The following DMD variants were observed in gnomAD, a reference collection of about 807,000 sequenced individuals.
DMD encodes the protein mutant dystrophin.
A neutral mutation model predicts 330.1 loss-of-function variants in DMD; 63 were observed. The observed-to-expected ratio is 0.19, with a 90% CI of 0.16 to 0.24. The LOEUF is 0.24. Among genes scored for constraint, DMD ranks in the 10% least tolerant of loss-of-function variants. The probability of loss-of-function intolerance (pLI) is 1.00; values close to 1 mark genes in which losing one functional copy is unlikely to be tolerated. For synonymous variants in DMD, 1,223 were observed against 959.8 expected, an observed-to-expected ratio of 1.27 and a Z score of -5.07; for missense variants, 3,344 against 2,684.1, an observed-to-expected ratio of 1.25 and a Z score of -5.43.
At chrX:32,757,180 T>C (rs1009492094) in intron 7 of DMD, among the ~76,000 whole-genome samples, 6 of 111,531 alleles carry the variant, frequency 5.4e-5, no homozygotes, top group Non-Finnish European at 7.5e-5. Flanking sequence ...TGTGAGAACA[T>C]TTAAAGTCTA....
chrX:32,293,956 C>T (rs1037513897), intron 42 of DMD, among the ~76,000 whole-genome samples: 9 of 112,039 alleles, frequency 8.0e-5, no homozygotes, highest in African/African-American at 1.9e-4. Context: ...TAGAATTTTA[C>T]TACCATCTTC....
chrX:32,905,576 A>G (rs1222301645), intron 2 of DMD, among the ~76,000 whole-genome samples: 1 of 111,553 alleles, frequency 9.0e-6, no homozygotes, highest in African/African-American at 3.3e-5. Context: ...AGAGCACCCA[A>G]CATAATTTGA....
chrX:32,216,724 C>G (rs1340612224), intron 44 of DMD, among the ~76,000 whole-genome samples, 192 bp downstream of exon 44: 1 of 111,231 alleles, frequency 9.0e-6, no homozygotes, highest in African/African-American at 3.3e-5. Flanking sequence ...ACTCTCTCAT[C>G]CTGACACAAA....
chrX:31,305,139 C>G (rs2054930637), intron 62 of DMD, among the ~76,000 whole-genome samples: 1 of 111,767 alleles, frequency 8.9e-6, no homozygotes, highest in Non-Finnish European at 1.9e-5. Context: ...TTGTAATTGA[C>G]AAATAATAGT....
At chrX:32,009,449 T>G (rs973042708) in intron 44 of DMD, among the ~76,000 whole-genome samples, 5 of 112,274 alleles carry the variant, frequency 4.5e-5, no homozygotes, top group Middle Eastern at 4.2e-3. Flanking sequence ...TTAGTAGACA[T>G]AAATAATTTT....
chrX:33,081,560 A>ATTAC (rs946793946), intron 1 of DMD, among the ~76,000 whole-genome samples: 23 of 112,243 alleles, frequency 2.0e-4, no homozygotes, highest in African/African-American at 7.4e-4. Context: ...AAGTGCTTGG[A>ATTAC]TTACAAGCAC....
chrX:31,536,090 T>A (rs1358432977), intron 55 of DMD, among the ~76,000 whole-genome samples: 1 of 111,914 alleles, frequency 8.9e-6, no homozygotes. Context: ...AGAAAACCTA[T>A]CCTGGGAGTT....
chrX:32,282,847 G>C (rs1569555850), intron 43 of DMD, among the ~76,000 whole-genome samples: 1 of 112,007 alleles, frequency 8.9e-6, no homozygotes, highest in East Asian at 2.8e-4. Context: ...AAACCACTAA[G>C]GCATTTTCTA....
chrX:32,710,176 T>G (rs2065060557), intron 7 of DMD, among the ~76,000 whole-genome samples: 1 of 110,081 alleles, frequency 9.1e-6, no homozygotes, highest in Admixed American at 9.7e-5. Context: ...TTTTTTTCAT[T>G]TAAATTCACC....
At position 31,721,732 on chromosome X, in the gene DMD, A is replaced by ATC. The variant is rs2085570038; in HGVS notation, c.7660+7898_7660+7899insGA. Among the ~76,000 whole-genome samples the ATC allele has an allele frequency of 3.8e-5, 3 of 78,454 alleles. No homozygotes were observed. In the South Asian group the frequency reaches 1.7e-3, roughly 44 times the overall value. The allele number at this position is 78,454 out of a possible 115,157, so 68.1% of individuals were successfully genotyped here. ...TCTCTCTCTCTCTATATATATATAT[A>ATC]TATATATATATATCTCCTAATTATT... On this transcript the variant is annotated intron_variant, in intron 52 of 78. Coordinates refer to ENST00000357033, the MANE Select transcript of DMD (RefSeq NM_004006.3).
At chrX:32,180,586 G>T (rs1047071544) in intron 44 of DMD, among the ~76,000 whole-genome samples, 5 of 111,315 alleles carry the variant, frequency 4.5e-5, no homozygotes, top group Non-Finnish European at 9.4e-5. Flanking sequence ...ACTTCTGAGA[G>T]ACACGTCTCT....
chrX:32,044,203 T>A (rs752263811), intron 44 of DMD, among the ~76,000 whole-genome samples: 10 of 110,857 alleles, frequency 9.0e-5, no homozygotes, highest in African/African-American at 2.9e-4. Flanking sequence ...TCCAGGCTAA[T>A]CAAATCATCA....
intron 42 of DMD, among the ~76,000 whole-genome samples, chrX:32,303,879 A>G (rs773458472): frequency 3.6e-5 from 4 of 110,744 alleles, no homozygotes; most frequent in Admixed American, 9.7e-5. Flanking sequence ...CATTAATGAC[A>G]TATCGAATTG....
At chrX:32,781,042 C>T (rs1049542169) in intron 7 of DMD, among the ~76,000 whole-genome samples, 2 of 106,901 alleles carry the variant, frequency 1.9e-5, no homozygotes, top group Non-Finnish European at 1.9e-5. Context: ...AGCGTGAACC[C>T]GGGAGGCGGA....
intron 49 of DMD, 56 bp downstream of exon 49, chrX:31,836,661 CA>C: frequency 2.1e-6 from 2 of 954,851 alleles, no homozygotes; most frequent in Non-Finnish European, 3.0e-6. Flanking sequence ...AAATGTACAA[CA>C]GGGGAAGCAT....
intron 1 of DMD, among the ~76,000 whole-genome samples, chrX:33,271,002 T>C (rs1291558824): frequency 8.9e-6 from 1 of 111,785 alleles, no homozygotes; most frequent in Non-Finnish European, 1.9e-5. Flanking sequence ...ATAACCCTGA[T>C]ATTCCAAGGT....
intron 60 of DMD, among the ~76,000 whole-genome samples, chrX:31,348,960 C>A (rs2058245974): frequency 8.9e-6 from 1 of 111,757 alleles, no homozygotes; most frequent in Non-Finnish European, 1.9e-5. Context: ...TTTACTTTCA[C>A]AAAAACATTA....
intron 55 of DMD, among the ~76,000 whole-genome samples, 165 bp from the exon 56 acceptor site, chrX:31,507,618 C>A (rs747921772): frequency 8.9e-6 from 1 of 112,200 alleles, no homozygotes; most frequent in Admixed American, 9.4e-5. Context: ...CTTTTCTTGG[C>A]GTATTGCCTT....
chrX:32,664,887 C>A lies in DMD; in HGVS notation c.961-19735G>T, dbSNP rs181485465. On this transcript the variant is annotated intron_variant, in intron 9 of 78. Transcript: ENST00000357033. ...ATGAATGTGGTCTAAGAACCAACCCCTGGTTACTGTCATATCAGGAATTTG... is the reference window on the plus strand; with the variant it reads ...ATGAATGTGGTCTAAGAACCAACCCATGGTTACTGTCATATCAGGAATTTG... 4.5e-4 allele frequency among the ~76,000 whole-genome samples: 50 copies of A among 111,368 alleles called. No individual in the cohort carries two copies. In the South Asian group the frequency reaches 4.6e-3, roughly 10 times the overall value.
Sources: gnomAD v4.1 joint callset for allele counts (sites outside exome capture counted in the v4.1 genomes callset) on GRCh38, gnomAD v4.1.1 for gene constraint, MANE v1.5 for transcripts, NCBI Gene and HGNC (gene_info 2026-07-23, HGNC 2026-07-21) for gene names.